Variants in SLC23A3 observed in about 807,000 individuals in gnomAD.
The protein encoded by SLC23A3 is E2-binding protein 3.
Under a neutral mutation model 64.7 loss-of-function variants are expected in SLC23A3, and 41 were observed. The observed-to-expected ratio is 0.63, with a 90% CI of 0.49 to 0.82. SLC23A3 has a LOEUF of 0.82. SLC23A3 is among the 40% of genes least tolerant of loss of function. The probability of loss-of-function intolerance (pLI) is 0.00; values close to 1 mark genes in which losing one functional copy is unlikely to be tolerated. For synonymous variants in SLC23A3, 281 were observed against 306.8 expected, an observed-to-expected ratio of 0.92 and a Z score of 0.88; for missense variants, 647 against 733.4, an observed-to-expected ratio of 0.88 and a Z score of 1.36.
chr2:219,169,429 A>G lies in SLC23A3; in HGVS notation c.321-23T>C, dbSNP rs755340449. 6.2e-7 allele frequency: 1 copy of G among 1,614,146 alleles called. No individual in the cohort carries two copies. Among genetic ancestry groups the G allele is most frequent in the South Asian group, 1.1e-5 (1 of 91,082 alleles). ...AGCCTGTAGGAACAGCAGCCCCAGC[A>G]GGTCTGGGACTATGTGGCAGCCAGC... On this transcript the variant is annotated intron_variant, in intron 2 of 11. Coordinates refer to ENST00000409878, the MANE Select transcript of SLC23A3 (RefSeq NM_001144889.2). The surrounding 1 kb of genome is among the most constrained non-coding windows in gnomAD (Gnocchi z 4.5).
At chr2:219,163,659 C>A in intron 9 of SLC23A3, 104 bp from the exon 10 acceptor site, 2 of 1,144,134 alleles carry the variant, frequency 1.7e-6, no homozygotes, top group Non-Finnish European at 2.5e-6. Flanking sequence ...ACAAATAAAA[C>A]CCAAGAGAAT....
chr2:219,168,139 G>A, intron 6 of SLC23A3, 56 bp downstream of exon 6: 1 of 1,597,726 alleles, frequency 6.3e-7, no homozygotes, highest in Non-Finnish European at 8.5e-7. Context: ...GGGATGGAGT[G>A]AGCACTCCAG....
rs142424987 is a variant in SLC23A3 at position 219,162,465 on chromosome 2, C to G, written c.1442-71G>C. 5.6e-5 allele frequency: 61 copies of G among 1,091,036 alleles called. No individual in the cohort carries two copies. The African/African-American group carries it at 8.0e-4, about 14-fold the overall frequency. The allele number at this position is 1,091,036 out of a possible 1,614,324, so 67.6% of individuals were successfully genotyped here. ...TCCAAGCCCAGGAGTCTTACCCTCC[C>G]AGACCTAAACCTAAGCCTTGGACTA... On this transcript the variant is annotated intron_variant, in intron 10 of 11. Transcript: ENST00000409878.
intron 8 of SLC23A3, chr2:219,164,876 A>G: frequency 2.3e-6 from 1 of 432,510 alleles, no homozygotes; most frequent in Non-Finnish European, 4.1e-6. Flanking sequence ...TTAAAAAGAT[A>G]CTTTTTTCCT....
rs1259289390 is a variant in SLC23A3 at position 219,162,314 on chromosome 2, C to T, written c.1522G>A (p.Glu508Lys). 6.2e-7 allele frequency: 1 copy of T among 1,614,094 alleles called. No homozygotes were observed. The highest frequency in any genetic ancestry group is 1.7e-5 in the Admixed American group (1 of 60,012). Residue 508 changes from glutamate (E) to lysine (K), a missense_variant, in exon 11 of 12, where the codon GAG becomes AAG. Coordinates refer to ENST00000409878, the MANE Select transcript of SLC23A3 (RefSeq NM_001144889.2). ...FLAGLSGFLL[E>K]NTIPGTQLER... ...CTCAACTTACCAGGAATCGTGTTCT[C>T]TAGTAGGAAGCCTGAGAGTCCAGCC... is the stretch of plus-strand genomic sequence containing the variant.
At chr2:219,166,851 G>A (rs916836467) in intron 7 of SLC23A3, among the ~76,000 whole-genome samples, 5 of 152,258 alleles carry the variant, frequency 3.3e-5, no homozygotes, top group Non-Finnish European at 7.4e-5. Context: ...TAAGCTCTTA[G>A]GACACAATGT....
Position 219,163,704 on chromosome 2 carries a change from T to G in SLC23A3, c.1274-149A>C, listed in dbSNP as rs556275713. On this transcript the variant is annotated intron_variant, in intron 9 of 11. Transcript: ENST00000409878. ...TTTTTTTGTTTTTTTGTTTTTTTGG[T>G]TTTTTTTTGAGAGCAAGTCTCACTG... The G allele has an allele frequency of 1.4e-3, 1,057 of 773,804 alleles. 7 individuals are homozygous for G. The highest frequency in any genetic ancestry group is 5.6e-3 in the African/African-American group (314 of 56,400). The allele number at this position is 773,804 out of a possible 1,614,324, so 47.9% of individuals were successfully genotyped here. A position where few individuals can be genotyped will look rare whatever the true frequency, so the allele number is the denominator to read the frequency against.
Position 219,168,338 on chromosome 2 carries a change from A to G in SLC23A3, c.675-20T>C. The G allele has an allele frequency of 6.4e-7, 1 of 1,567,190 alleles. No homozygotes were observed. The highest frequency in any genetic ancestry group is 1.2e-5 in the South Asian group (1 of 85,384). On this transcript the variant is annotated intron_variant, in intron 5 of 11. Coordinates refer to ENST00000409878, the MANE Select transcript of SLC23A3 (RefSeq NM_001144889.2). ...ATAACCCTAGGAGACAGAAGGCTTT[A>G]GGAGCAAGAGGCAGTGGGTATCCTG...
intron 8 of SLC23A3, 125 bp downstream of exon 8, chr2:219,165,044 C>T (rs1274395488): frequency 6.1e-6 from 8 of 1,301,768 alleles, no homozygotes; most frequent in Non-Finnish European, 7.3e-6. Context: ...ATCTTAGGCA[C>T]CTCCCCAAGT....
chr2:219,165,772 T>G (rs1371222406), intron 7 of SLC23A3, among the ~76,000 whole-genome samples: 1 of 152,240 alleles, frequency 6.6e-6, no homozygotes, highest in Non-Finnish European at 1.5e-5. Flanking sequence ...TGCGCTTCCC[T>G]CCTGCCTTTG....
At chr2:219,165,544 C>T (rs1002056794) in intron 7 of SLC23A3, 122 bp from the exon 8 acceptor site, 4 of 1,194,512 alleles carry the variant, frequency 3.3e-6, no homozygotes, top group Non-Finnish European at 4.6e-6. Context: ...TGTCTTGGGA[C>T]AAAACTACTG....
Position 219,169,548 on chromosome 2 carries a change from G to T in SLC23A3, c.293C>A (p.Thr98Asn). The change falls in exon 2 of 12, where the codon ACC (threonine) becomes AAC (asparagine). Residue 98 changes from threonine to asparagine, a missense_variant. Physicochemically the swap from Thr to Asn is moderately conservative, Grantham distance 65. Coordinates refer to ENST00000409878, the MANE Select transcript of SLC23A3 (RefSeq NM_001144889.2). The surrounding 1 kb of genome is among the most constrained non-coding windows in gnomAD (Gnocchi z 4.5). Reference protein sequence around the residue: ...ASSFFSCGMSTILQTWMGSRL... With the variant: ...ASSFFSCGMSNILQTWMGSRL... ...GCTGCCCATCCAAGTTTGCAGGATG[G>T]TAGACATACCACATGAAAAGAAGCT... 1 of 1,614,152 alleles carries T rather than the reference G, an allele frequency of 6.2e-7. No individual in the cohort carries two copies. The highest frequency in any genetic ancestry group is 8.5e-7 in the Non-Finnish European group (1 of 1,180,032).
chr2:219,166,711 G>A (rs1950008672), intron 7 of SLC23A3, among the ~76,000 whole-genome samples: 2 of 151,884 alleles, frequency 1.3e-5, no homozygotes, highest in South Asian at 2.1e-4. Flanking sequence ...ATTTTTTTAT[G>A]TTTTGTAGAG....
chr2:219,164,890 A>C, intron 8 of SLC23A3: 1 of 476,408 alleles, frequency 2.1e-6, no homozygotes, highest in Non-Finnish European at 3.7e-6. Context: ...TTTTCCTTCA[A>C]CTGTCTGCCT....
At chr2:219,164,622 C>T (rs1355185960) in intron 8 of SLC23A3, 19 of 311,512 alleles carry the variant, frequency 6.1e-5, no homozygotes, top group Non-Finnish European at 1.1e-4. Flanking sequence ...TGCAGTGGTG[C>T]GGTCTCGGCT....
intron 8 of SLC23A3, chr2:219,164,850 T>C (rs746821082): frequency 4.3e-5 from 16 of 368,358 alleles, no homozygotes; most frequent in Non-Finnish European, 6.4e-5. Flanking sequence ...TGAGCCACCA[T>C]GCCTGGCCCA....
intron 10 of SLC23A3, among the ~76,000 whole-genome samples, chr2:219,162,953 A>G (rs1181626070): frequency 1.3e-5 from 2 of 152,188 alleles, no homozygotes; most frequent in African/African-American, 4.8e-5. Flanking sequence ...GGTGAGACAA[A>G]TTAAGCAATT....
chr2:219,169,467 A>G lies in SLC23A3; in HGVS notation c.320+54T>C, dbSNP rs1950040295. Reference sequence around the variant, plus strand: ...TGTGGCAGCCAGCAAGGCTCCCCCAAACCTCTCCTACCCTCCAGGACTCTG... The same window carrying G: ...TGTGGCAGCCAGCAAGGCTCCCCCAGACCTCTCCTACCCTCCAGGACTCTG... On this transcript the variant is annotated intron_variant, in intron 2 of 11. Coordinates refer to ENST00000409878, the MANE Select transcript of SLC23A3 (RefSeq NM_001144889.2). This position sits in a 1 kb window ranked among gnomAD's most constrained non-coding sequence, Gnocchi z 4.5. The G allele has an allele frequency of 9.9e-6, 16 of 1,613,482 alleles. No homozygotes were observed. Among genetic ancestry groups the G allele is most frequent in the African/African-American group, 4.0e-5 (3 of 74,894 alleles).
rs747435907 is a variant in SLC23A3, at chr2:219,168,727, C to T, written c.599G>A (p.Ser200Asn). 6.2e-7 allele frequency: 1 copy of T among 1,613,772 alleles called. No individual in the cohort carries two copies. The highest frequency in any genetic ancestry group is 8.5e-7 in the Non-Finnish European group (1 of 1,179,834). ...PHCGPLVLAP[S>N]LVVAGLSAHR... Reference sequence around the variant, plus strand: ...GGCAGAGAGCCCTGCCACAACCAGGCTGGGAGCCAGCACCAGGGGCCCACA... The same window carrying T: ...GGCAGAGAGCCCTGCCACAACCAGGTTGGGAGCCAGCACCAGGGGCCCACA... The change falls in exon 5 of 12, where the codon AGC becomes AAC. Residue 200 changes from serine (S) to asparagine (N), a missense_variant. Transcript: ENST00000409878.
Sources: allele counts gnomAD v4.1 joint callset (sites outside exome capture counted in the v4.1 genomes callset), GRCh38; gene constraint gnomAD v4.1.1; non-coding constraint Gnocchi (gnomAD v3.1); transcripts MANE v1.5; gene names NCBI Gene and HGNC (gene_info 2026-07-23, HGNC 2026-07-21).